ATP6V1B2: variants seen among roughly 807,000 people sequenced by gnomAD.
ATP6V1B2 encodes the protein ATPase H+ transporting V1 subunit B2, also known as V-type proton ATPase subunit B, brain isoform.
ATP6V1B2 carries 23 observed loss-of-function variants against 66.7 expected under a neutral mutation model. That is an observed-to-expected ratio of 0.34 (90% CI 0.25 to 0.49). The LOEUF is 0.49. ATP6V1B2 is among the 20% of genes least tolerant of loss of function. The pLI, the probability that ATP6V1B2 is intolerant of heterozygous loss-of-function variation, is 0.99. For missense variants in ATP6V1B2, 478 were observed against 650.8 expected (o/e 0.73, Z 2.89); for synonymous variants, 278 against 236.7 (o/e 1.17, Z -1.60).
intron 8 of ATP6V1B2, 144 bp downstream of exon 8, chr8:20,212,343 G>A (rs1313264340): frequency 2.6e-6 from 2 of 756,822 alleles, no homozygotes; most frequent in Non-Finnish European, 4.2e-6. Context: ...CCTGCTTCTT[G>A]GTAGTTATCT....
At chr8:20,204,118 A>T in intron 1 of ATP6V1B2, 1 of 420,722 alleles carries the variant, frequency 2.4e-6, no homozygotes, top group South Asian at 1.8e-5. Context: ...CTGTGCTCCC[A>T]CAAACCCTGT....
chr8:20,220,147 A>G (rs2072893667), intron 13 of ATP6V1B2, 116 bp from the exon 14 acceptor site: 3 of 1,189,586 alleles, frequency 2.5e-6, no homozygotes, highest in Admixed American at 3.3e-5. Flanking sequence ...GGGAGTCCCA[A>G]CTTTTTTTTT....
intron 2 of ATP6V1B2, among the ~76,000 whole-genome samples, chr8:20,208,707 T>G (rs979387112): frequency 7.9e-6 from 1 of 127,264 alleles, no homozygotes; most frequent in Non-Finnish European, 1.7e-5. Flanking sequence ...TTTAGTAACT[T>G]TCTTTTTTTT....
intron 11 of ATP6V1B2, 156 bp downstream of exon 11, chr8:20,216,651 A>G (rs2072857332): frequency 6.4e-6 from 4 of 621,424 alleles, no homozygotes; most frequent in Non-Finnish European, 8.0e-6. Flanking sequence ...ATTATCTTAA[A>G]TTCTGGTGTC....
chr8:20,204,062 A>T (rs1330974512), intron 1 of ATP6V1B2: 2 of 450,140 alleles, frequency 4.4e-6, no homozygotes, highest in Non-Finnish European at 8.9e-6. Flanking sequence ...TCCTCTATAA[A>T]GTTTTTACTT....
At chr8:20,203,424 G>C (rs2072706778) in intron 1 of ATP6V1B2, among the ~76,000 whole-genome samples, 1 of 152,196 alleles carries the variant, frequency 6.6e-6, no homozygotes, top group South Asian at 2.1e-4. Context: ...TGGACAGACT[G>C]GTTAGTAAAT....
intron 1 of ATP6V1B2, among the ~76,000 whole-genome samples, chr8:20,202,010 T>G (rs2072692714): frequency 6.6e-6 from 1 of 152,136 alleles, no homozygotes; most frequent in Non-Finnish European, 1.5e-5. Flanking sequence ...CATGAATGGA[T>G]TCATCCATTC....
chr8:20,211,642 T>C lies in ATP6V1B2; in HGVS notation c.604-10T>C, dbSNP rs778815381. 4 of 1,599,478 alleles carry C rather than the reference T, an allele frequency of 2.5e-6. No homozygotes were observed. The highest frequency in any genetic ancestry group is 3.4e-6 in the Non-Finnish European group (4 of 1,175,238). On this transcript the variant is annotated splice_polypyrimidine_tract_variant and intron_variant, in intron 6 of 13. Coordinates refer to ENST00000276390, the MANE Select transcript of ATP6V1B2 (RefSeq NM_001693.4). ...AGATTTCAACTGAATTCTTCTACTT[T>C]GTTCATCAGATTGCAGCTCAGATCT...
chr8:20,214,608 CCTT>C (rs1394091613), intron 9 of ATP6V1B2: 9 of 433,378 alleles, frequency 2.1e-5, no homozygotes, highest in African/African-American at 1.2e-4. Context: ...TTAGCAAAAA[CCTT>C]CTGGTGCCCC....
At chr8:20,197,737 C>T (rs1344513896) in intron 1 of ATP6V1B2, among the ~76,000 whole-genome samples, 195 bp downstream of exon 1, 1 of 152,192 alleles carries the variant, frequency 6.6e-6, no homozygotes, top group Non-Finnish European at 1.5e-5. Flanking sequence ...GGGCTGAGGG[C>T]AAGAGCACCA....
At chr8:20,198,097 G>C (rs917140975) in intron 1 of ATP6V1B2, among the ~76,000 whole-genome samples, 2 of 152,212 alleles carry the variant, frequency 1.3e-5, no homozygotes, top group African/African-American at 4.8e-5. Flanking sequence ...TCCGCAGAAG[G>C]ACACCTAGAT....
chr8:20,200,722 A>G (rs2072677489), intron 1 of ATP6V1B2, among the ~76,000 whole-genome samples: 1 of 152,190 alleles, frequency 6.6e-6, no homozygotes, highest in Non-Finnish European at 1.5e-5. Flanking sequence ...GAGACCCTAG[A>G]TCAACTGGCC....
Position 20,211,168 on chromosome 8 carries a change from ATAC to A in ATP6V1B2, c.464-8_464-6del. The A allele has an allele frequency of 6.3e-7, 1 of 1,599,230 alleles. No homozygotes were observed. On this transcript the variant is annotated splice_polypyrimidine_tract_variant and splice_region_variant and intron_variant, in intron 5 of 13. Coordinates refer to ENST00000276390, the MANE Select transcript of ATP6V1B2 (RefSeq NM_001693.4). ...CTTGTTGAAATTTTCCTTTTTGGAA[ATAC>A]ATTAGGTCAGCCAATCAACCCTCAA...
At chr8:20,219,456 G>A (rs191811279) in intron 13 of ATP6V1B2, among the ~76,000 whole-genome samples, 270 of 152,196 alleles carry the variant, frequency 1.8e-3, no homozygotes, top group Middle Eastern at 6.8e-3. Flanking sequence ...TGTTTTGCTT[G>A]GTCTCTCCCA....
chr8:20,208,450 C>G (rs913881638), intron 2 of ATP6V1B2, among the ~76,000 whole-genome samples: 1 of 152,090 alleles, frequency 6.6e-6, no homozygotes, highest in Non-Finnish European at 1.5e-5. Flanking sequence ...AATAATGATG[C>G]ATCTTTCAAT....
At position 20,216,302 on chromosome 8, in the gene ATP6V1B2, G is replaced by A. The variant is rs1055706636; in HGVS notation, c.1079-111G>A. 5 of 807,890 alleles carry A rather than the reference G, an allele frequency of 6.2e-6. No individual in the cohort carries two copies. In the Admixed American group the frequency reaches 1.1e-4, roughly 18 times the overall value. The allele number at this position is 807,890 out of a possible 1,614,324, so 50.0% of individuals were successfully genotyped here. A position where few individuals can be genotyped will look rare whatever the true frequency, so the allele number is the denominator to read the frequency against. On this transcript the variant is annotated intron_variant, in intron 10 of 13. Coordinates refer to ENST00000276390, the MANE Select transcript of ATP6V1B2 (RefSeq NM_001693.4). ...CTCTAAGAACACTCTTCTAAGTAAT[G>A]TTACAGGTAGTACAGAGGGACTTTT...
intron 1 of ATP6V1B2, among the ~76,000 whole-genome samples, chr8:20,201,751 T>G (rs1192773770): frequency 6.6e-6 from 1 of 152,166 alleles, no homozygotes; most frequent in Admixed American, 6.5e-5. Flanking sequence ...TCTGCTCCTT[T>G]TAACAGAAAA....
chr8:20,212,338 T>G (rs2072803702), intron 8 of ATP6V1B2, 139 bp downstream of exon 8: 2 of 772,266 alleles, frequency 2.6e-6, no homozygotes, highest in Non-Finnish European at 4.1e-6. Context: ...CCAGCCCTGC[T>G]TCTTGGTAGT....
Position 20,209,439 on chromosome 8 carries a change from A to G in ATP6V1B2, c.199A>G (p.Arg67Gly). The G allele has an allele frequency of 6.2e-7, 1 of 1,613,782 alleles. No homozygotes were observed. The highest frequency in any genetic ancestry group is 8.5e-7 in the Non-Finnish European group (1 of 1,179,830). Residue 67 changes from arginine (R) to glycine (G), a missense_variant, in exon 3 of 14, where the codon AGG becomes GGG. Transcript: ENST00000276390. ...TTTATTTTTTTCTCTTTAGTTTCCC[A>G]GGTATGCTGAAATTGTCCATTTGAC... ...LVILDHVKFP[R>G]YAEIVHLTLP...
Sources: allele counts gnomAD v4.1 joint callset (sites outside exome capture counted in the v4.1 genomes callset), GRCh38; gene constraint gnomAD v4.1.1; transcripts MANE v1.5; gene names NCBI Gene and HGNC (gene_info 2026-07-23, HGNC 2026-07-21).